Variants in RNF213 observed in about 807,000 individuals in gnomAD.
RNF213 encodes the protein ring finger protein 213, also known as E3 ubiquitin-protein ligase RNF213.
In RNF213, 341 loss-of-function variants were observed where a neutral mutation model predicts 514.4. The observed-to-expected ratio is 0.66, with a 90% CI of 0.61 to 0.73. The LOEUF (loss-of-function observed/expected upper bound fraction) is 0.73, where lower values mean the gene tolerates loss of function less well. RNF213 is among the 30% of genes least tolerant of loss of function. The pLI, the probability that RNF213 is intolerant of heterozygous loss-of-function variation, is 0.00. For missense variants in RNF213, 5,767 were observed against 6,615.6 expected, an observed-to-expected ratio of 0.87 and a Z score of 4.45; for synonymous variants, 2,655 against 2,658.2, an observed-to-expected ratio of 1.00 and a Z score of 0.04.
rs2078383205 is a variant in RNF213 at position 80,348,249 on chromosome 17, A to G, written c.9914A>G (p.His3305Arg). The G allele has an allele frequency of 6.2e-7, 1 of 1,613,856 alleles. No homozygotes were observed. Among genetic ancestry groups the G allele is most frequent in the South Asian group, 1.1e-5 (1 of 91,088 alleles). ...GCAGATTTCCTTCAGGCACACCTGC[A>G]CACGGCAGACCTGGAGCGCCACGCC... is the stretch of plus-strand genomic sequence containing the variant. ...SFADFLQAHL[H>R]TADLERHAIF... Residue 3305 changes from histidine (H) to arginine (R), a missense_variant, in exon 29 of 68, where the codon CAC becomes CGC. Transcript: ENST00000582970.
chr17:80,347,215 C>A lies in RNF213; in HGVS notation c.8880C>A (p.Ile2960=). 6.2e-7 allele frequency: 1 copy of A among 1,613,430 alleles called. No homozygotes were observed. Residue 2960 remains isoleucine, a synonymous_variant, in exon 29 of 68, where the codon ATC becomes ATA. Coordinates refer to ENST00000582970, the MANE Select transcript of RNF213 (RefSeq NM_001256071.3). The surrounding 1 kb of genome is among the most constrained non-coding windows in gnomAD (Gnocchi z 7.2). ...GGCTTCGTGACTACTACAGCCTCAT[C>A]AAAATGGTCTTTGCTGCAGCAAAGG... ...FFGLRDYYSL[I]KMVFAAAKAS... is the part of the protein sequence containing the mutation.
chr17:80,340,304 G>T lies in RNF213; in HGVS notation c.5937G>T (p.Val1979=). 6.2e-7 allele frequency: 1 copy of T among 1,613,798 alleles called. No individual in the cohort carries two copies. The highest frequency in any genetic ancestry group is 1.1e-5 in the South Asian group (1 of 91,070). Residue 1979 remains valine (V), a synonymous_variant, in exon 26 of 68, where the codon GTG becomes GTT. Coordinates refer to ENST00000582970, the MANE Select transcript of RNF213 (RefSeq NM_001256071.3). ...VPKQTLSAAA[V]FNDRLCVGIV... Reference sequence around the variant, plus strand: ...AGCAGACCCTGTCGGCGGCAGCCGTGTTCAATGACCGGCTGTGTGTTGGGA... The same window carrying T: ...AGCAGACCCTGTCGGCGGCAGCCGTTTTCAATGACCGGCTGTGTGTTGGGA...
chr17:80,379,713 A>G lies in RNF213; in HGVS notation c.13639A>G (p.Lys4547Glu). 6.2e-6 allele frequency: 10 copies of G among 1,613,724 alleles called. No individual in the cohort carries two copies. Among genetic ancestry groups the G allele is most frequent in the Non-Finnish European group, 8.5e-6 (10 of 1,179,628 alleles). Residue 4547 changes from lysine to glutamate, a missense_variant and splice_region_variant, in exon 55 of 68, where the codon AAA (lysine) becomes GAA (glutamate). Lys to Glu is a moderately conservative substitution (Grantham distance 56). Coordinates refer to ENST00000582970, the MANE Select transcript of RNF213 (RefSeq NM_001256071.3). ...ACCTCGGGACGGCTTTCATCTGGTC[A>G]AGTATGTGGGTCAGGATTCTATTTC... ...HKPRDGFHLV[K>E]DKADRTQTGH... is the part of the protein sequence containing the mutation.
At chr17:80,381,336 TG>T in intron 56 of RNF213, 1 of 640,142 alleles carries the variant, frequency 1.6e-6, no homozygotes, top group Non-Finnish European at 2.8e-6. Flanking sequence ...CAGTACAATC[TG>T]GATATTCTTT....
chr17:80,370,079 G>A (rs924264471), intron 46 of RNF213, among the ~76,000 whole-genome samples: 1 of 152,154 alleles, frequency 6.6e-6, no homozygotes, highest in Non-Finnish European at 1.5e-5. Context: ...ACAAGCACAC[G>A]CATCTAGCAA....
rs760114367 is a variant in RNF213, at chr17:80,263,889, G to A, written c.97+111G>A. The stretch of plus-strand genomic sequence containing the variant: ...GGCAGCAGGCAGCTCAGGTGGGGCC[G>A]AGGTCCTCTGTGGCTACTGAGGCTC... On this transcript the variant is annotated intron_variant, in intron 2 of 67. Coordinates refer to ENST00000582970, the MANE Select transcript of RNF213 (RefSeq NM_001256071.3). This position sits in a 1 kb window ranked among gnomAD's most constrained non-coding sequence, Gnocchi z 4.9. The A allele has an allele frequency of 3.6e-6, 3 of 831,650 alleles. No individual in the cohort carries two copies. The highest frequency in any genetic ancestry group is 6.0e-6 in the Non-Finnish European group (3 of 495,942). The allele number at this position is 831,650 out of a possible 1,614,324, so 51.5% of individuals were successfully genotyped here. A position where few individuals can be genotyped will look rare whatever the true frequency, so the allele number is the denominator to read the frequency against.
chr17:80,310,406 C>G (rs1417373713), intron 14 of RNF213, among the ~76,000 whole-genome samples: 1 of 151,828 alleles, frequency 6.6e-6, no homozygotes, highest in Non-Finnish European at 1.5e-5. Context: ...GTGTGCACCA[C>G]CACACCCAGC....
intron 10 of RNF213, among the ~76,000 whole-genome samples, chr17:80,297,265 C>G (rs545892944): frequency 1.3e-5 from 2 of 150,906 alleles, no homozygotes; most frequent in Non-Finnish European, 2.9e-5. Flanking sequence ...GCCTGACCAA[C>G]ATGGTGAAAC....
chr17:80,307,475 G>T (rs1182896985), intron 13 of RNF213, among the ~76,000 whole-genome samples: 1 of 144,774 alleles, frequency 6.9e-6, no homozygotes, highest in Non-Finnish European at 1.5e-5. Flanking sequence ...TGATTCTCCT[G>T]TCTCAGCCTC....
Position 80,398,209 on chromosome 17 carries a change from CTGATTTTGGTTT to C in RNF213, c.*4724_*4735del, listed in dbSNP as rs1221411260. On this transcript the variant is annotated 3_prime_UTR_variant, in exon 68 of 68. Coordinates refer to ENST00000582970, the MANE Select transcript of RNF213 (RefSeq NM_001256071.3). ...GACCTGACTTGGATATCCTGATACT[CTGATTTTGGTTT>C]TGATTTTGGTTTGGTGTAAACTGTA... The C allele has an allele frequency of 5.9e-5, 9 of 152,136 alleles. No individual in the cohort carries two copies. In the East Asian group the frequency reaches 1.6e-3, roughly 26 times the overall value. The allele number at this position is 152,136 out of a possible 1,614,324, so 9.4% of individuals were successfully genotyped here.
Position 80,317,093 on chromosome 17 carries a change from T to C in RNF213, c.2812-95T>C, listed in dbSNP as rs2045972590. 2 of 1,346,296 alleles carry C rather than the reference T, an allele frequency of 1.5e-6. No homozygotes were observed. Among genetic ancestry groups the C allele is most frequent in the Admixed American group, 2.0e-5 (1 of 50,920 alleles). The allele number at this position is 1,346,296 out of a possible 1,614,324, so 83.4% of individuals were successfully genotyped here. A position where few individuals can be genotyped will look rare whatever the true frequency, so the allele number is the denominator to read the frequency against. On this transcript the variant is annotated intron_variant, in intron 15 of 67. Coordinates refer to ENST00000582970, the MANE Select transcript of RNF213 (RefSeq NM_001256071.3). This position sits in a 1 kb window ranked among gnomAD's most constrained non-coding sequence, Gnocchi z 4.1. Reference sequence around the variant, plus strand: ...GGTGTTCGCGGAGTCCCGCGCTCTCTGTATTGCCGTAATGCTCTGTCTTTC... The same window carrying C: ...GGTGTTCGCGGAGTCCCGCGCTCTCCGTATTGCCGTAATGCTCTGTCTTTC...
At chr17:80,289,241 G>A (rs1036286496) in intron 5 of RNF213, among the ~76,000 whole-genome samples, 3 of 152,182 alleles carry the variant, frequency 2.0e-5, no homozygotes, top group South Asian at 2.1e-4. Context: ...GGTCCCGAGC[G>A]GGGAAGGGTC....
chr17:80,386,967 G>T, intron 63 of RNF213, 76 bp downstream of exon 63: 2 of 1,415,382 alleles, frequency 1.4e-6, no homozygotes. Flanking sequence ...TGTTTCTCGA[G>T]AGAGGGAAGC....
chr17:80,336,591 C>T, intron 23 of RNF213: 1 of 631,754 alleles, frequency 1.6e-6, no homozygotes, highest in Non-Finnish European at 2.9e-6. Context: ...ACATAGTAAT[C>T]TCTAAGGTGC....
At position 80,320,118 on chromosome 17, in the gene RNF213, T is replaced by TG. The variant is rs2046090473; in HGVS notation, c.3024+806_3024+807insG. 2.0e-5 allele frequency: 12 copies of TG among 612,288 alleles called. No individual in the cohort carries two copies. The South Asian group carries it at 5.6e-4, about 29-fold the overall frequency. The allele number at this position is 612,288 out of a possible 1,614,324, so 37.9% of individuals were successfully genotyped here. On this transcript the variant is annotated intron_variant, in intron 17 of 67. Coordinates refer to ENST00000582970, the MANE Select transcript of RNF213 (RefSeq NM_001256071.3). ...CAGATATGTACAGTCATCACCACAGTTAATGACAGAGCATTTTCATCACTT... is the reference window on the plus strand; with the variant it reads ...CAGATATGTACAGTCATCACCACAGTGTAATGACAGAGCATTTTCATCACTT...
Position 80,345,733 on chromosome 17 carries a change from G to A in RNF213, c.7398G>A (p.Glu2466=), listed in dbSNP as rs746424283. Residue 2466 remains glutamate (E), a synonymous_variant, in exon 29 of 68, where the codon GAG becomes GAA. Transcript: ENST00000582970. This position sits in a 1 kb window ranked among gnomAD's most constrained non-coding sequence, Gnocchi z 6.0. ...TADMIYSRVR[E]AENVAFANKD... ...ACATGATCTACTCCAGAGTCAGGGA[G>A]GCTGAAAATGTGGCCTTCGCCAATA... 1.2e-6 allele frequency: 2 copies of A among 1,614,120 alleles called. No homozygotes were observed. The highest frequency in any genetic ancestry group is 2.7e-5 in the African/African-American group (2 of 74,946).
intron 26 of RNF213, chr17:80,340,685 A>C (rs1212830729): frequency 4.7e-6 from 1 of 213,556 alleles, no homozygotes; most frequent in African/African-American, 3.0e-5. Flanking sequence ...CAGTGGCGTG[A>C]TCTTAGCTCA....
At chr17:80,320,165 T>C (rs114983835) in intron 17 of RNF213, 4,258 of 302,584 alleles carry the variant, frequency 0.014, 193 homozygotes, top group African/African-American at 0.089. Context: ...CCGGCCCCTT[T>C]AGCCATCATC....
At chr17:80,350,192 T>C in intron 30 of RNF213, 109 bp from the exon 31 acceptor site, 1 of 808,582 alleles carries the variant, frequency 1.2e-6, no homozygotes, top group Non-Finnish European at 2.1e-6. Flanking sequence ...AAATCCTACC[T>C]GAGTAGCTGT....
Sources: allele counts gnomAD v4.1 joint callset (sites outside exome capture counted in the v4.1 genomes callset), GRCh38; gene constraint gnomAD v4.1.1; non-coding constraint Gnocchi (gnomAD v3.1); transcripts MANE v1.5; gene names NCBI Gene and HGNC (gene_info 2026-07-23, HGNC 2026-07-21).